CSMD2: variants seen among roughly 807,000 people sequenced by gnomAD.
The protein encoded by CSMD2 is CUB and Sushi multiple domains 2.
In CSMD2, 130 loss-of-function variants were observed where a neutral mutation model predicts 398.5. The observed-to-expected ratio is 0.33, with a 90% CI of 0.28 to 0.38. The LOEUF (loss-of-function observed/expected upper bound fraction) is 0.38. CSMD2 is among the 10% of genes least tolerant of loss of function. The probability of loss-of-function intolerance (pLI) is 1.00; values close to 1 mark genes in which losing one functional copy is unlikely to be tolerated. For missense variants in CSMD2, 3,829 were observed against 4,764.9 expected (o/e 0.80, Z 5.78); for synonymous variants, 1,828 against 1,908.5 (o/e 0.96, Z 1.10).
intron 3 of CSMD2, among the ~76,000 whole-genome samples, chr1:33,946,472 A>T (rs1644840419): frequency 6.6e-6 from 1 of 152,230 alleles, no homozygotes; most frequent in Non-Finnish European, 1.5e-5. Context: ...GGATTGGCCT[A>T]AGGTCTTCTA....
intron 41 of CSMD2, among the ~76,000 whole-genome samples, chr1:33,606,357 A>T (rs1640607882): frequency 6.6e-6 from 1 of 152,242 alleles, no homozygotes; most frequent in South Asian, 2.1e-4. Context: ...TGTTTCTCAT[A>T]CGTAATAACA....
chr1:34,039,803 G>A (rs541151174), intron 2 of CSMD2, among the ~76,000 whole-genome samples: 31 of 152,258 alleles, frequency 2.0e-4, no homozygotes, highest in Middle Eastern at 3.4e-3. Flanking sequence ...GCTGTCTGAT[G>A]TATGGCCCTG....
At chr1:33,553,242 C>T (rs1481650222) in intron 55 of CSMD2, among the ~76,000 whole-genome samples, 1 of 152,162 alleles carries the variant, frequency 6.6e-6, no homozygotes, top group African/African-American at 2.4e-5. Context: ...ATAATACGTG[C>T]TCACTTCATG....
chr1:33,576,398 C>T (rs1001281014), intron 49 of CSMD2, among the ~76,000 whole-genome samples: 3 of 152,082 alleles, frequency 2.0e-5, no homozygotes, highest in African/African-American at 4.8e-5. Flanking sequence ...TGAGACCAGC[C>T]GGACCAATAT....
chr1:33,721,112 G>A (rs1340684847), intron 19 of CSMD2, among the ~76,000 whole-genome samples: 1 of 152,210 alleles, frequency 6.6e-6, no homozygotes, highest in East Asian at 1.9e-4. Flanking sequence ...ATTCTCTGCT[G>A]AGCACCTTTC....
intron 42 of CSMD2, among the ~76,000 whole-genome samples, chr1:33,603,194 A>G (rs990106636): frequency 5.3e-5 from 8 of 152,188 alleles, no homozygotes; most frequent in African/African-American, 1.4e-4. Flanking sequence ...TGTTCAGCCC[A>G]GGCCCTGGAA....
intron 3 of CSMD2, among the ~76,000 whole-genome samples, chr1:34,026,682 A>G (rs1649692798): frequency 6.6e-6 from 1 of 152,244 alleles, no homozygotes; most frequent in South Asian, 2.1e-4. Context: ...TTACCTGGCG[A>G]TCAGTCTGGA....
chr1:34,081,396 C>G (rs1199747449), intron 2 of CSMD2, among the ~76,000 whole-genome samples: 1 of 151,896 alleles, frequency 6.6e-6, no homozygotes, highest in East Asian at 1.9e-4. Context: ...GTGGTCGTCC[C>G]TCTCCTTCCC....
rs1033853161 is a variant in CSMD2, at chr1:33,537,883, G to A, written c.9632-274C>T. 1.3e-5 allele frequency among the ~76,000 whole-genome samples: 2 copies of A among 152,180 alleles called. No homozygotes were observed. Among genetic ancestry groups the A allele is most frequent in the African/African-American group, 2.4e-5 (1 of 41,444 alleles). On this transcript the variant is annotated intron_variant, in intron 60 of 70. Transcript: ENST00000373381. The surrounding 1 kb of genome is among the most constrained non-coding windows in gnomAD (Gnocchi z 4.6). ...TTTAGAACATGAAAGAGAAATAAAC[G>A]AAAATCCCACTATTCAAAACTTTTT...
chr1:33,709,215 C>T lies in CSMD2; in HGVS notation c.3450G>A (p.Leu1150=). Residue 1150 remains leucine (L), a synonymous_variant, in exon 22 of 71, where the codon CTG becomes CTA. Transcript: ENST00000373381. ...NSVTGTQGTL[L]SPNFPVNYNN... is the part of the protein sequence containing the mutation. Reference sequence around the variant, plus strand: ...TGTAGTTCACAGGAAAGTTGGGGGACAGCAAAGTACCCTGAGTGCCTGTGA... The same window carrying T: ...TGTAGTTCACAGGAAAGTTGGGGGATAGCAAAGTACCCTGAGTGCCTGTGA... The T allele has an allele frequency of 6.2e-7, 1 of 1,614,002 alleles. No homozygotes were observed. Among genetic ancestry groups the T allele is most frequent in the Non-Finnish European group, 8.5e-7 (1 of 1,179,958 alleles).
At chr1:33,744,147 C>T (rs1230616475) in intron 13 of CSMD2, among the ~76,000 whole-genome samples, 1 of 152,194 alleles carries the variant, frequency 6.6e-6, no homozygotes, top group African/African-American at 2.4e-5. Context: ...AAAGCCACAA[C>T]TCAAGCCTAA....
At chr1:33,715,042 G>A (rs867046574) in intron 20 of CSMD2, among the ~76,000 whole-genome samples, 3 of 152,084 alleles carry the variant, frequency 2.0e-5, no homozygotes, top group Non-Finnish European at 2.9e-5. Flanking sequence ...CAGGACGGGC[G>A]GTCTGCACCC....
At chr1:33,955,368 C>T (rs1208489710) in intron 3 of CSMD2, among the ~76,000 whole-genome samples, 4 of 152,188 alleles carry the variant, frequency 2.6e-5, no homozygotes. Flanking sequence ...ATCCTGGGGC[C>T]TGTGCAGAGG....
intron 22 of CSMD2, among the ~76,000 whole-genome samples, chr1:33,708,591 C>CTTCTTATTATTATTA (rs1553180002): frequency 7.1e-6 from 1 of 141,084 alleles, no homozygotes; most frequent in Admixed American, 7.1e-5. Context: ...TCCAACCGAA[C>CTTCTTATTATTATTA]TTATTATTAT....
chr1:33,645,913 T>C (rs1418629702), intron 29 of CSMD2, among the ~76,000 whole-genome samples: 2 of 152,128 alleles, frequency 1.3e-5, no homozygotes, highest in Non-Finnish European at 2.9e-5. Context: ...AGTGAATTTT[T>C]CTTCAAATGC....
intron 3 of CSMD2, among the ~76,000 whole-genome samples, chr1:34,015,384 A>T (rs1255215184): frequency 2.0e-5 from 3 of 152,206 alleles, no homozygotes; most frequent in African/African-American, 7.2e-5. Flanking sequence ...GAACTCTATG[A>T]TTCCAAAGTG....
intron 1 of CSMD2, among the ~76,000 whole-genome samples, chr1:34,154,698 C>A (rs1247051590): frequency 6.7e-6 from 1 of 148,476 alleles, no homozygotes; most frequent in African/African-American, 2.5e-5. Flanking sequence ...TACATACAAA[C>A]AACCCTACAC....
At chr1:34,059,795 G>A (rs1164715167) in intron 2 of CSMD2, among the ~76,000 whole-genome samples, 1 of 152,180 alleles carries the variant, frequency 6.6e-6, no homozygotes, top group Non-Finnish European at 1.5e-5. Flanking sequence ...AGCACACCCT[G>A]GATCCTGGTG....
At chr1:33,534,555 G>A (rs1655581883) in intron 62 of CSMD2, among the ~76,000 whole-genome samples, 1 of 152,006 alleles carries the variant, frequency 6.6e-6, no homozygotes, top group Non-Finnish European at 1.5e-5. Context: ...GCAACCACGG[G>A]CTCCATCTCT....
Sources: gnomAD v4.1 joint callset for allele counts (sites outside exome capture counted in the v4.1 genomes callset) on GRCh38, gnomAD v4.1.1 for gene constraint, Gnocchi (gnomAD v3.1) non-coding constraint, MANE v1.5 for transcripts, NCBI Gene and HGNC (gene_info 2026-07-23, HGNC 2026-07-21) for gene names.